RPL6: variants seen among roughly 807,000 people sequenced by gnomAD.
RPL6 encodes the protein large ribosomal subunit protein eL6.
In RPL6, 1 loss-of-function variant was observed where a neutral mutation model predicts 32.1. The ratio of observed to expected loss-of-function variants is 0.03; its 90% CI spans 0.01 to 0.15. RPL6 has a LOEUF of 0.15. RPL6 is among the 10% of genes least tolerant of loss of function. The probability of loss-of-function intolerance (pLI) is 1.00; values close to 1 mark genes in which losing one functional copy is unlikely to be tolerated. For synonymous variants in RPL6, 126 were observed against 131.6 expected, an observed-to-expected ratio of 0.96 and a Z score of 0.29; for missense variants, 275 against 354.6, an observed-to-expected ratio of 0.78 and a Z score of 1.80.
At chr12:112,410,342 T>C, upstream of RPL6, 1 of 293,182 alleles carries the variant, frequency 3.4e-6, no homozygotes, top group Non-Finnish European at 6.9e-6. Context: ...GGCTGACTAC[T>C]TCCTCTTGTA....
At chr12:112,415,989 C>T (rs1360346051) in intron 1 of RPL6, among the ~76,000 whole-genome samples, 2 of 128,242 alleles carry the variant, frequency 1.6e-5, no homozygotes, top group East Asian at 2.9e-4. Context: ...GATGGAGTCT[C>T]GCTCCGACGC....
rs778094350 is a variant in RPL6, at chr12:112,405,803, C to A, written c.714+50G>T. The A allele has an allele frequency of 9.0e-6, 13 of 1,445,908 alleles. No individual in the cohort carries two copies. The South Asian group carries it at 1.6e-4, about 18-fold the overall frequency. 89.6% of individuals were successfully genotyped at this position (1,445,908 alleles called of 1,614,324 possible). Reference sequence around the variant, plus strand: ...TTGTGCAACCTGTTTCTTTTCACTCCCAGGTAGAAGGGCCAGTGCTAACAC... The same window carrying A: ...TTGTGCAACCTGTTTCTTTTCACTCACAGGTAGAAGGGCCAGTGCTAACAC... On this transcript the variant is annotated intron_variant, in intron 6 of 6. Transcript: ENST00000202773.
intron 1 of RPL6, chr12:112,418,517 T>C (rs1438022644): frequency 4.7e-6 from 1 of 210,672 alleles, no homozygotes; most frequent in Non-Finnish European, 9.7e-6. Flanking sequence ...GTGTTGGGAT[T>C]ACGGGCGTGA....
Position 112,406,893 on chromosome 12 carries a change from G to T in RPL6, c.337-3C>A, listed in dbSNP as rs1452400531. 1.9e-6 allele frequency: 3 copies of T among 1,614,084 alleles called. No homozygotes were observed. The highest frequency in any genetic ancestry group is 2.5e-6 in the Non-Finnish European group (3 of 1,180,034). On this transcript the variant is annotated splice_polypyrimidine_tract_variant and splice_region_variant and intron_variant, in intron 3 of 6. Transcript: ENST00000202773. ...TCTTCAGTAGGATAATATCTAGGCT[G>T]TGGAGAGTCCATAGATCCAACTTAT...
chr12:112,409,181 G>C lies in RPL6; in HGVS notation c.-1+406C>G, dbSNP rs539413490. The C allele has an allele frequency of 3.0e-5, 10 of 332,700 alleles. No homozygotes were observed. In the East Asian group the frequency reaches 4.7e-4, roughly 16 times the overall value. The allele number at this position is 332,700 out of a possible 1,614,324, so 20.6% of individuals were successfully genotyped here. On this transcript the variant is annotated intron_variant, in intron 1 of 6. Coordinates refer to ENST00000202773, the MANE Select transcript of RPL6 (RefSeq NM_000970.6). ...AAGACCAAGAGGCGACTTCCGGTCG[G>C]GGACGCTGGGAGACGCGAAACCTTT...
In RPL6 at chr12:112,405,338, T is replaced by C; in HGVS notation, c.753A>G (p.Lys251=). 6.2e-7 allele frequency: 1 copy of C among 1,609,218 alleles called. No homozygotes were observed. The highest frequency in any genetic ancestry group is 1.1e-5 in the South Asian group (1 of 89,936). ...TTGGTAAAATTTGTGAGTCCACAGC[T>C]TTCTGATCAATCTTGCGCTGCTCCG... is the stretch of plus-strand genomic sequence containing the variant. The part of the protein sequence containing the change: ...EITEQRKIDQ[K]AVDSQILPKI... Residue 251 remains lysine (K), a synonymous_variant, in exon 7 of 7, where the codon AAA becomes AAG. Coordinates refer to ENST00000202773, the MANE Select transcript of RPL6 (RefSeq NM_000970.6).
chr12:112,405,692 C>A, intron 6 of RPL6, 161 bp downstream of exon 6: 1 of 686,120 alleles, frequency 1.5e-6, no homozygotes, highest in South Asian at 2.2e-5. Context: ...CCCAGACTGC[C>A]AAAAGAACTA....
At chr12:112,415,075 T>A (rs1485609091), upstream of RPL6, among the ~76,000 whole-genome samples, 1 of 152,186 alleles carries the variant, frequency 6.6e-6, no homozygotes, top group African/African-American at 2.4e-5. Flanking sequence ...AAGTGGCTCC[T>A]AGCCTGAGAT....
upstream of RPL6, among the ~76,000 whole-genome samples, chr12:112,410,767 G>T (rs1594112481): frequency 6.6e-6 from 1 of 151,514 alleles, no homozygotes; most frequent in South Asian, 2.1e-4. Flanking sequence ...TAGAGACAGA[G>T]TTTCACCATG....
chr12:112,409,828 T>G (rs2037307638), upstream of RPL6, among the ~76,000 whole-genome samples: 1 of 146,718 alleles, frequency 6.8e-6, no homozygotes, highest in Non-Finnish European at 1.5e-5. Context: ...CTGGCCAACA[T>G]GGTGAAATCC....
chr12:112,407,444 T>C (rs1566141994), intron 3 of RPL6: 1 of 153,596 alleles, frequency 6.5e-6, no homozygotes, highest in Non-Finnish European at 1.4e-5. Flanking sequence ...AACTATACCA[T>C]ATCATTAGTG....
At chr12:112,410,668 G>C (rs1300740380), upstream of RPL6, among the ~76,000 whole-genome samples, 1 of 141,360 alleles carries the variant, frequency 7.1e-6, no homozygotes, top group African/African-American at 2.6e-5. Context: ...CTGCCTCCTG[G>C]GTTCAAGTGA....
At chr12:112,405,561 A>G (rs2037136171) in intron 6 of RPL6, 185 bp from the exon 7 acceptor site, 1 of 673,750 alleles carries the variant, frequency 1.5e-6, no homozygotes, top group South Asian at 2.0e-5. Flanking sequence ...TAATAAAAGT[A>G]GCTCTTAAGC....
intron 3 of RPL6, 38 bp from the exon 4 acceptor site, chr12:112,406,928 C>G (rs1487743966): frequency 2.5e-6 from 4 of 1,608,860 alleles, no homozygotes; most frequent in Non-Finnish European, 3.4e-6. Flanking sequence ...TTTAAATAAG[C>G]CATTCAGATT....
At chr12:112,407,103 T>C in intron 3 of RPL6, 1 of 499,070 alleles carries the variant, frequency 2.0e-6, no homozygotes, top group Non-Finnish European at 3.6e-6. Context: ...ATTTAATGAA[T>C]GAGATGTGTG....
At chr12:112,406,147 C>T in intron 5 of RPL6, 110 bp from the exon 6 acceptor site, 1 of 1,204,202 alleles carries the variant, frequency 8.3e-7, no homozygotes, top group South Asian at 1.4e-5. Flanking sequence ...ACTTGTCTAA[C>T]CCACTTGCAC....
intron 1 of RPL6, among the ~76,000 whole-genome samples, chr12:112,417,981 AATTATT>A (rs199659493): frequency 6.7e-6 from 1 of 148,402 alleles, no homozygotes; most frequent in East Asian, 2.0e-4. Flanking sequence ...TATTTATTGT[AATTATT>A]ATTATTATTT....
At chr12:112,414,566 G>A (rs2037379290), upstream of RPL6, among the ~76,000 whole-genome samples, 1 of 152,174 alleles carries the variant, frequency 6.6e-6, no homozygotes, top group South Asian at 2.1e-4. Context: ...AGACACAGAG[G>A]AGTCAAATGA....
chr12:112,414,346 A>T (rs2037376860), upstream of RPL6, among the ~76,000 whole-genome samples: 1 of 152,214 alleles, frequency 6.6e-6, no homozygotes. Context: ...TTTTTAAAAG[A>T]TTATTCATTC....
Sources: gnomAD v4.1 joint callset for allele counts (sites outside exome capture counted in the v4.1 genomes callset) on GRCh38, gnomAD v4.1.1 for gene constraint, MANE v1.5 for transcripts, NCBI Gene and HGNC (gene_info 2026-07-23, HGNC 2026-07-21) for gene names.